The following SYT16 variants were observed in gnomAD, a reference collection of about 807,000 sequenced individuals.
SYT16 encodes synaptotagmin-16.
SYT16 carries 42 observed loss-of-function variants against 61.4 expected under a neutral mutation model. The observed-to-expected ratio is 0.68, with a 90% CI of 0.53 to 0.89. The LOEUF is 0.89. Ranked by LOEUF, SYT16 falls within the 40% of genes least tolerant of loss-of-function variation. SYT16 has a pLI of 0.00. For missense variants in SYT16, 804 were observed against 807.3 expected, an observed-to-expected ratio of 1.00 and a Z score of 0.05; for synonymous variants, 314 against 302.3, an observed-to-expected ratio of 1.04 and a Z score of -0.40.
rs10142404 is a variant in SYT16, at chr14:61,891,723, A to G, written c.-324-78409A>G. 2.5e-3 allele frequency among the ~76,000 whole-genome samples: 376 copies of G among 152,336 alleles called. 1 individual carries two copies. The highest frequency in any genetic ancestry group is 8.9e-3 in the African/African-American group (368 of 41,576). On this transcript the variant is annotated intron_variant, in intron 1 of 7. Coordinates refer to ENST00000683842, the MANE Select transcript of SYT16 (RefSeq NM_001367656.1). ...GAAGCCAGAAAATATAATAGTGTAT[A>G]ACCTTAGGCTAGGATCCTACTGAAT...
rs546765401 is a variant in SYT16 at position 62,033,755 on chromosome 14, T to A, written c.524-35848T>A. On this transcript the variant is annotated intron_variant, in intron 3 of 7. Coordinates refer to ENST00000683842, the MANE Select transcript of SYT16 (RefSeq NM_001367656.1). ...GTAAAAGTTAAAACAATAAAACTTTTAGAAAGAAACCTGAGAGTAAATCTT... is the reference window on the plus strand; with the variant it reads ...GTAAAAGTTAAAACAATAAAACTTTAAGAAAGAAACCTGAGAGTAAATCTT... 2.1e-3 allele frequency among the ~76,000 whole-genome samples: 327 copies of A among 152,232 alleles called. 3 individuals carry two copies. The highest frequency in any genetic ancestry group is 7.6e-3 in the African/African-American group (314 of 41,544).
chr14:62,023,996 G>A (rs1466776163), intron 3 of SYT16, among the ~76,000 whole-genome samples: 2 of 152,140 alleles, frequency 1.3e-5, no homozygotes, highest in Non-Finnish European at 2.9e-5. Context: ...AGTAGAGGAA[G>A]AAATGGTGTC....
intron 1 of SYT16, among the ~76,000 whole-genome samples, chr14:61,834,342 G>C (rs2046053391): frequency 6.6e-6 from 1 of 150,850 alleles, no homozygotes; most frequent in Non-Finnish European, 1.5e-5. Context: ...ATGTTAGCCA[G>C]GTTGGTCTTA....
intron 1 of SYT16, among the ~76,000 whole-genome samples, chr14:61,857,352 C>T (rs2046808228): frequency 6.6e-6 from 1 of 152,158 alleles, no homozygotes; most frequent in Admixed American, 6.5e-5. Flanking sequence ...GAGGTGGGTG[C>T]TTGTTAAGGA....
intron 2 of SYT16, among the ~76,000 whole-genome samples, chr14:61,988,077 A>G (rs1471323921): frequency 6.6e-6 from 1 of 151,844 alleles, no homozygotes; most frequent in Non-Finnish European, 1.5e-5. Context: ...CATACTGTGG[A>G]TGTTATTTGA....
chr14:61,873,614 G>A (rs1284242191), intron 1 of SYT16, among the ~76,000 whole-genome samples: 5 of 152,198 alleles, frequency 3.3e-5, no homozygotes, highest in African/African-American at 1.2e-4. Context: ...TTTCTCACAT[G>A]AGTAGGGGAG....
At chr14:61,969,081 G>C (rs1444478924) in intron 1 of SYT16, among the ~76,000 whole-genome samples, 1 of 152,164 alleles carries the variant, frequency 6.6e-6, no homozygotes, top group East Asian at 1.9e-4. Context: ...TATCTGGATA[G>C]TAAGGTTAGG....
chr14:62,095,088 C>G (rs1280175009), intron 7 of SYT16, among the ~76,000 whole-genome samples: 1 of 151,968 alleles, frequency 6.6e-6, no homozygotes, highest in Non-Finnish European at 1.5e-5. Flanking sequence ...ATCTTTCACC[C>G]AGGAAAGATC....
At chr14:61,976,686 G>A (rs2051818907) in intron 2 of SYT16, among the ~76,000 whole-genome samples, 1 of 152,082 alleles carries the variant, frequency 6.6e-6, no homozygotes, top group Admixed American at 6.6e-5. Context: ...AAACAGCAAG[G>A]CCCTGGGCCT....
At chr14:61,892,713 C>T (rs2048180456) in intron 1 of SYT16, among the ~76,000 whole-genome samples, 1 of 152,200 alleles carries the variant, frequency 6.6e-6, no homozygotes, top group South Asian at 2.1e-4. Context: ...CCTTTCTGAA[C>T]CATGTGGACT....
chr14:62,044,464 C>T (rs187201323), intron 3 of SYT16, among the ~76,000 whole-genome samples: 6 of 152,070 alleles, frequency 3.9e-5, no homozygotes, highest in Admixed American at 3.9e-4. Context: ...CTCCCCACCC[C>T]CAACAGGCCC....
At chr14:61,842,930 ATAAT>A (rs2046341661) in intron 1 of SYT16, among the ~76,000 whole-genome samples, 1 of 152,196 alleles carries the variant, frequency 6.6e-6, no homozygotes, top group Non-Finnish European at 1.5e-5. Context: ...TATAATAATA[ATAAT>A]TAAAGAAAAA....
At chr14:62,048,605 T>A (rs1242639499) in intron 3 of SYT16, among the ~76,000 whole-genome samples, 1 of 152,252 alleles carries the variant, frequency 6.6e-6, no homozygotes, top group Non-Finnish European at 1.5e-5. Flanking sequence ...CTTTCTCTTG[T>A]GGGCATTTAG....
chr14:61,960,984 C>A (rs552113854), intron 1 of SYT16, among the ~76,000 whole-genome samples: 1 of 152,138 alleles, frequency 6.6e-6, no homozygotes, highest in Admixed American at 6.6e-5. Context: ...ATCATCTGAT[C>A]TTTGACAAAG....
At chr14:62,015,033 G>C (rs1461534282) in intron 3 of SYT16, among the ~76,000 whole-genome samples, 1 of 152,204 alleles carries the variant, frequency 6.6e-6, no homozygotes, top group Non-Finnish European at 1.5e-5. Context: ...TCTCTAGGAA[G>C]CCTTCCTTGT....
Position 62,081,211 on chromosome 14 carries a change from C to T in SYT16, c.1371C>T (p.Ser457=). ...RMMGEKLFYL[S]HLHPEGEMKV... Reference sequence around the variant, plus strand: ...TGGGAGAGAAACTATTCTATCTCAGCCACCTGCACCCAGAAGGGGAAATGA... The same window carrying T: ...TGGGAGAGAAACTATTCTATCTCAGTCACCTGCACCCAGAAGGGGAAATGA... Residue 457 remains serine (S), a synonymous_variant, in exon 6 of 8, where the codon AGC becomes AGT. Coordinates refer to ENST00000683842, the MANE Select transcript of SYT16 (RefSeq NM_001367656.1). 6.2e-7 allele frequency: 1 copy of T among 1,613,920 alleles called. No homozygotes were observed. Among genetic ancestry groups the T allele is most frequent in the Non-Finnish European group, 8.5e-7 (1 of 1,179,876 alleles).
chr14:62,063,817 C>T (rs1438749841), intron 3 of SYT16, among the ~76,000 whole-genome samples: 1 of 152,160 alleles, frequency 6.6e-6, no homozygotes, highest in African/African-American at 2.4e-5. Context: ...TCATTAACTG[C>T]CTGCCAGTGC....
At chr14:61,987,854 C>T (rs1450524685) in intron 2 of SYT16, among the ~76,000 whole-genome samples, 1 of 151,294 alleles carries the variant, frequency 6.6e-6, no homozygotes, top group African/African-American at 2.4e-5. Context: ...ATTTTAAAAT[C>T]TATCTCAAGA....
chr14:62,039,351 T>C, intron 3 of SYT16, among the ~76,000 whole-genome samples: 1 of 152,290 alleles, frequency 6.6e-6, no homozygotes, highest in Non-Finnish European at 1.5e-5. Flanking sequence ...TAATGAATGA[T>C]ATTTGGGGCT....
Sources: gnomAD v4.1 joint callset for allele counts (sites outside exome capture counted in the v4.1 genomes callset) on GRCh38, gnomAD v4.1.1 for gene constraint, MANE v1.5 for transcripts, NCBI Gene and HGNC (gene_info 2026-07-23, HGNC 2026-07-21) for gene names.